SDCCAG8: variants seen among roughly 807,000 people sequenced by gnomAD.
The protein encoded by SDCCAG8 is serologically defined colon cancer antigen 8.
In SDCCAG8, 74 loss-of-function variants were observed where a neutral mutation model predicts 101.8. That is an observed-to-expected ratio of 0.73 (90% CI 0.60 to 0.88). The LOEUF (loss-of-function observed/expected upper bound fraction) is 0.88. Among genes scored for constraint, SDCCAG8 ranks in the 40% least tolerant of loss-of-function variants. The pLI is 0.00. For synonymous variants in SDCCAG8, 281 were observed against 292.9 expected (o/e 0.96, Z 0.41); for missense variants, 787 against 822.6 (o/e 0.96, Z 0.53).
In SDCCAG8 at chr1:243,304,796, T is replaced by C; in HGVS notation, c.740+19T>C. On this transcript the variant is annotated intron_variant, in intron 7 of 17. Transcript: ENST00000366541. ...TTTTGAGGTAAAGTGAAATCGTCCA[T>C]TTATAGTCATACCAAAAGCATAATG... The C allele has an allele frequency of 5.8e-6, 8 of 1,380,856 alleles. No homozygotes were observed. The highest frequency in any genetic ancestry group is 7.2e-6 in the Non-Finnish European group (7 of 967,780). 85.5% of individuals were successfully genotyped at this position (1,380,856 alleles called of 1,614,324 possible).
In SDCCAG8 at chr1:243,275,870, T is replaced by G. The variant is rs902032746; in HGVS notation, c.420+1214T>G. Among the ~76,000 whole-genome samples the G allele has an allele frequency of 6.5e-5, 9 of 138,174 alleles. No individual in the cohort carries two copies. The East Asian group carries it at 1.2e-3, about 19-fold the overall frequency. 90.6% of individuals were successfully genotyped at this position (138,174 alleles called of 152,430 possible). ...CTTGAACCAATGTTTTTTTTTTTTT[T>G]TTTTTTTTTTTTTTGATGGAGTCTC... On this transcript the variant is annotated intron_variant, in intron 4 of 17. Coordinates refer to ENST00000366541, the MANE Select transcript of SDCCAG8 (RefSeq NM_006642.5).
intron 6 of SDCCAG8, among the ~76,000 whole-genome samples, chr1:243,296,187 G>C (rs1480152795): frequency 6.6e-6 from 1 of 151,922 alleles, no homozygotes; most frequent in East Asian, 1.9e-4. Context: ...GTAGAGATGG[G>C]GTTTCGCCAT....
rs1014273821 is a variant in SDCCAG8, at chr1:243,271,504, T to A, written c.306+441T>A. Among the ~76,000 whole-genome samples, 7 of 152,006 alleles carry A rather than the reference T, an allele frequency of 4.6e-5. No homozygotes were observed. The South Asian group carries it at 1.0e-3, about 23-fold the overall frequency. On this transcript the variant is annotated intron_variant, in intron 3 of 17. Coordinates refer to ENST00000366541, the MANE Select transcript of SDCCAG8 (RefSeq NM_006642.5). ...TGTAGCCCTACTTTGTAATATTTTT[T>A]AAATTTTGAGTGTCAAAATAATACA...
Position 243,451,419 on chromosome 1 carries a change from G to T in SDCCAG8, c.1985+24861G>T, listed in dbSNP as rs535901367. 2.7e-4 allele frequency among the ~76,000 whole-genome samples: 41 copies of T among 151,760 alleles called. No individual in the cohort carries two copies. The East Asian group carries it at 2.7e-3, about 10-fold the overall frequency. On this transcript the variant is annotated intron_variant, in intron 16 of 17. Coordinates refer to ENST00000366541, the MANE Select transcript of SDCCAG8 (RefSeq NM_006642.5). ...CATTCCCAACTTGGAACTTTTTTTT[G>T]TCCTATCTCCCGCTTTCCTTAACCC...
intron 11 of SDCCAG8, among the ~76,000 whole-genome samples, chr1:243,341,716 A>C (rs754241750): frequency 6.6e-6 from 1 of 152,150 alleles, no homozygotes; most frequent in East Asian, 1.9e-4. Context: ...AAAATACTAC[A>C]TTGTCTGTGC....
intron 16 of SDCCAG8, among the ~76,000 whole-genome samples, chr1:243,428,127 T>C (rs2081464548): frequency 6.6e-6 from 1 of 152,230 alleles, no homozygotes; most frequent in Non-Finnish European, 1.5e-5. Context: ...CCTAGAATGC[T>C]CTCACACATA....
intron 1 of SDCCAG8, among the ~76,000 whole-genome samples, chr1:243,264,499 A>G (rs1279172201): frequency 6.6e-6 from 1 of 152,192 alleles, no homozygotes; most frequent in Admixed American, 6.5e-5. Flanking sequence ...CTGTAATCCC[A>G]GCTACTCAGG....
intron 16 of SDCCAG8, among the ~76,000 whole-genome samples, chr1:243,477,830 A>G (rs1662727692): frequency 6.6e-6 from 1 of 152,166 alleles, no homozygotes; most frequent in Non-Finnish European, 1.5e-5. Context: ...TTGTGCCAAC[A>G]CCAGTCTGTG....
chr1:243,330,393 T>A, intron 9 of SDCCAG8, 147 bp from the exon 10 acceptor site: 1 of 702,808 alleles, frequency 1.4e-6, no homozygotes, highest in Non-Finnish European at 2.5e-6. Flanking sequence ...GGTCAATAAG[T>A]GGTATTGATA....
intron 6 of SDCCAG8, among the ~76,000 whole-genome samples, chr1:243,298,056 T>TC (rs2149304843): frequency 6.6e-6 from 1 of 151,576 alleles, no homozygotes; most frequent in East Asian, 1.9e-4. Context: ...CACTTTTTTT[T>TC]TTTTTTTTTT....
intron 16 of SDCCAG8, among the ~76,000 whole-genome samples, chr1:243,483,016 C>T (rs564521906): frequency 2.6e-5 from 4 of 152,146 alleles, no homozygotes; most frequent in African/African-American, 9.7e-5. Flanking sequence ...CCCCTCGCCC[C>T]GTTCATGACT....
chr1:243,479,306 G>T (rs973746024), intron 16 of SDCCAG8, among the ~76,000 whole-genome samples: 3 of 152,196 alleles, frequency 2.0e-5, no homozygotes, highest in African/African-American at 7.2e-5. Context: ...TGGAGCTGGA[G>T]GAGAATGTAG....
chr1:243,338,426 T>C (rs902183659), intron 10 of SDCCAG8, among the ~76,000 whole-genome samples: 7 of 152,086 alleles, frequency 4.6e-5, no homozygotes, highest in Non-Finnish European at 1.0e-4. Flanking sequence ...CTTTTCTTTT[T>C]TTTTTTTTTA....
intron 9 of SDCCAG8, among the ~76,000 whole-genome samples, chr1:243,322,087 C>T (rs1049638307): frequency 1.3e-5 from 2 of 152,212 alleles, no homozygotes; most frequent in African/African-American, 2.4e-5. Flanking sequence ...ATATTAAGTT[C>T]TTTGAGAAAT....
At chr1:243,363,231 C>T (rs895999152) in intron 12 of SDCCAG8, among the ~76,000 whole-genome samples, 1 of 152,174 alleles carries the variant, frequency 6.6e-6, no homozygotes, top group Non-Finnish European at 1.5e-5. Flanking sequence ...AGAACCAGAT[C>T]ATGTTTATTT....
intron 16 of SDCCAG8, among the ~76,000 whole-genome samples, chr1:243,483,141 C>G (rs1664083577): frequency 6.6e-6 from 1 of 152,184 alleles, no homozygotes; most frequent in Non-Finnish European, 1.5e-5. Context: ...AGGCCCGTGG[C>G]GACGGTGAGG....
intron 5 of SDCCAG8, among the ~76,000 whole-genome samples, chr1:243,290,340 A>T (rs367858651): frequency 4.6e-5 from 7 of 152,282 alleles, no homozygotes; most frequent in African/African-American, 1.7e-4. Context: ...TGAAAGAACA[A>T]AATGTCCGTT....
intron 3 of SDCCAG8, among the ~76,000 whole-genome samples, chr1:243,272,742 A>G (rs1014863361): frequency 1.3e-5 from 2 of 152,238 alleles, no homozygotes; most frequent in East Asian, 1.9e-4. Flanking sequence ...CTTAGACTCT[A>G]TATGTATACA....
intron 16 of SDCCAG8, among the ~76,000 whole-genome samples, chr1:243,483,151 G>T (rs1043643880): frequency 6.6e-6 from 1 of 152,206 alleles, no homozygotes; most frequent in Non-Finnish European, 1.5e-5. Context: ...CGACGGTGAG[G>T]GGGGTGAAGG....
Sources: gnomAD v4.1 joint callset for allele counts (sites outside exome capture counted in the v4.1 genomes callset) on GRCh38, gnomAD v4.1.1 for gene constraint, MANE v1.5 for transcripts, NCBI Gene and HGNC (gene_info 2026-07-23, HGNC 2026-07-21) for gene names.